Variants in EMCN observed in about 807,000 individuals in gnomAD.
EMCN encodes endomucin.
EMCN carries 37 observed loss-of-function variants against 38.4 expected under a neutral mutation model. The ratio of observed to expected loss-of-function variants is 0.96; its 90% CI spans 0.74 to 1.27. EMCN has a LOEUF of 1.27. Ranked by LOEUF, EMCN falls within the 50% of genes most tolerant of loss-of-function variation. The pLI is 0.00. For missense variants in EMCN, 318 were observed against 302.8 expected, an observed-to-expected ratio of 1.05 and a Z score of -0.37; for synonymous variants, 95 against 100.8, an observed-to-expected ratio of 0.94 and a Z score of 0.35.
chr4:100,429,971 T>A (rs1727152837), intron 5 of EMCN, among the ~76,000 whole-genome samples: 1 of 152,176 alleles, frequency 6.6e-6, no homozygotes, highest in Admixed American at 6.6e-5. Context: ...AGATTTTAAA[T>A]GTTTATCTTA....
intron 11 of EMCN, among the ~76,000 whole-genome samples, chr4:100,406,605 G>A (rs1017229452): frequency 1.3e-5 from 2 of 152,070 alleles, no homozygotes; most frequent in African/African-American, 4.8e-5. Context: ...AATGTGGCTG[G>A]TATGATTTTG....
chr4:100,439,359 GTT>G (rs1011987400), intron 5 of EMCN, among the ~76,000 whole-genome samples: 1 of 150,840 alleles, frequency 6.6e-6, no homozygotes, highest in African/African-American at 2.4e-5. Context: ...TTTAGTTTTT[GTT>G]TTTTTGTTTT....
intron 4 of EMCN, among the ~76,000 whole-genome samples, chr4:100,461,921 C>A (rs2110259769): frequency 6.6e-6 from 1 of 152,294 alleles, no homozygotes; most frequent in Non-Finnish European, 1.5e-5. Flanking sequence ...CTCTATCTCT[C>A]TGTCCTGTAT....
intron 5 of EMCN, among the ~76,000 whole-genome samples, chr4:100,427,870 G>A (rs1727094035): frequency 6.6e-6 from 1 of 152,058 alleles, no homozygotes; most frequent in South Asian, 2.1e-4. Context: ...GCTTGGAGCA[G>A]ACATTCCTTC....
intron 5 of EMCN, among the ~76,000 whole-genome samples, chr4:100,444,809 G>A (rs894502010): frequency 5.9e-5 from 9 of 152,090 alleles, no homozygotes; most frequent in Admixed American, 2.0e-4. Flanking sequence ...AGAGGTAGGG[G>A]CTGAGAAGAG....
At position 100,396,063 on chromosome 4, in the gene EMCN, A is replaced by T. The variant is rs1298239276; in HGVS notation, c.*2350T>A. On this transcript the variant is annotated 3_prime_UTR_variant, in exon 12 of 12. Coordinates refer to ENST00000296420, the MANE Select transcript of EMCN (RefSeq NM_016242.4). ...GCATAAAAAGTAGATCATCTAAATC[A>T]GATAATTAAAACATATTTGATTAAT... 6.6e-6 allele frequency: 1 copy of T among 152,212 alleles called. No homozygotes were observed. Among genetic ancestry groups the T allele is most frequent in the African/African-American group, 2.4e-5 (1 of 41,452 alleles). 9.4% of individuals were successfully genotyped at this position (152,212 alleles called of 1,614,324 possible).
At chr4:100,468,356 A>G (rs1219342819) in intron 3 of EMCN, among the ~76,000 whole-genome samples, 1 of 152,202 alleles carries the variant, frequency 6.6e-6, no homozygotes, top group Non-Finnish European at 1.5e-5. Context: ...AAAACAATAA[A>G]TCAGGACATT....
At chr4:100,402,950 A>G (rs1726296303) in intron 11 of EMCN, among the ~76,000 whole-genome samples, 1 of 152,166 alleles carries the variant, frequency 6.6e-6, no homozygotes, top group South Asian at 2.1e-4. Flanking sequence ...CAACCATAGC[A>G]AGTAGAAAGG....
intron 5 of EMCN, among the ~76,000 whole-genome samples, chr4:100,424,698 A>G (rs1726994813): frequency 6.6e-6 from 1 of 152,118 alleles, no homozygotes; most frequent in African/African-American, 2.4e-5. Context: ...AAGCAGGCAG[A>G]AAAAGGAATA....
chr4:100,445,997 A>G (rs1727661509), intron 5 of EMCN: 3 of 896,100 alleles, frequency 3.3e-6, no homozygotes, highest in Non-Finnish European at 1.3e-6. Flanking sequence ...ACAAAAATCA[A>G]TTAAACTTAT....
intron 11 of EMCN, among the ~76,000 whole-genome samples, chr4:100,404,644 TA>T (rs1418801860): frequency 6.6e-6 from 1 of 152,170 alleles, no homozygotes; most frequent in Non-Finnish European, 1.5e-5. Context: ...TTGGGTAAGG[TA>T]ATGCCTCCAG....
At chr4:100,416,799 T>C (rs1726748485) in intron 9 of EMCN, among the ~76,000 whole-genome samples, 1 of 152,196 alleles carries the variant, frequency 6.6e-6, no homozygotes, top group Non-Finnish European at 1.5e-5. Flanking sequence ...TTCCCTGTGA[T>C]AAACATATTA....
chr4:100,417,021 C>G, intron 9 of EMCN, 96 bp downstream of exon 9: 1 of 1,279,104 alleles, frequency 7.8e-7, no homozygotes, highest in Non-Finnish European at 1.1e-6. Flanking sequence ...ATTTTCTACA[C>G]TTTAGAAATA....
rs980692111 is a variant in EMCN at position 100,396,045 on chromosome 4, A to C, written c.*2368T>G. The C allele has an allele frequency of 6.6e-6, 1 of 152,190 alleles. No homozygotes were observed. Among genetic ancestry groups the C allele is most frequent in the Non-Finnish European group, 1.5e-5 (1 of 68,030 alleles). The allele number at this position is 152,190 out of a possible 1,614,324, so 9.4% of individuals were successfully genotyped here. On this transcript the variant is annotated 3_prime_UTR_variant, in exon 12 of 12. Transcript: ENST00000296420. The stretch of plus-strand genomic sequence containing the variant: ...AAACTTACAGTAAGCCAGGCATAAA[A>C]AGTAGATCATCTAAATCAGATAATT...
intron 4 of EMCN, among the ~76,000 whole-genome samples, chr4:100,464,608 T>C (rs1365393864): frequency 2.6e-5 from 4 of 152,136 alleles, no homozygotes; most frequent in Non-Finnish European, 5.9e-5. Flanking sequence ...TGAGTGAATG[T>C]TAGATTTTGT....
intron 1 of EMCN, among the ~76,000 whole-genome samples, chr4:100,493,214 C>T (rs915230671): frequency 6.6e-6 from 1 of 152,178 alleles, no homozygotes; most frequent in East Asian, 1.9e-4. Flanking sequence ...AACTTAATCT[C>T]CTCCCTAACT....
At chr4:100,462,506 T>C (rs564959436) in intron 4 of EMCN, among the ~76,000 whole-genome samples, 1 of 152,148 alleles carries the variant, frequency 6.6e-6, no homozygotes, top group African/African-American at 2.4e-5. Flanking sequence ...AATGGGTGAG[T>C]ATTTAGTGCA....
intron 3 of EMCN, among the ~76,000 whole-genome samples, chr4:100,467,630 C>T (rs952869973): frequency 5.3e-4 from 72 of 136,192 alleles, no homozygotes; most frequent in Non-Finnish European, 1.0e-3. Context: ...TGCAGTGAGC[C>T]GGGATAGCGC....
At chr4:100,401,360 C>T (rs1055187940) in intron 11 of EMCN, among the ~76,000 whole-genome samples, 3 of 152,038 alleles carry the variant, frequency 2.0e-5, no homozygotes, top group Non-Finnish European at 4.4e-5. Flanking sequence ...TTAGGTATTA[C>T]AAGTAATCTA....
Sources: gnomAD v4.1 joint callset for allele counts (sites outside exome capture counted in the v4.1 genomes callset) on GRCh38, gnomAD v4.1.1 for gene constraint, MANE v1.5 for transcripts, NCBI Gene and HGNC (gene_info 2026-07-23, HGNC 2026-07-21) for gene names.